The following STK11 variants were observed in gnomAD, a reference collection of about 807,000 sequenced individuals.
The protein encoded by STK11 is serine/threonine-protein kinase STK11.
A neutral mutation model predicts 47.3 loss-of-function variants in STK11; 8 were observed. The ratio of observed to expected loss-of-function variants is 0.17; its 90% confidence interval spans 0.10 to 0.31. STK11 has a LOEUF of 0.31. Ranked by LOEUF, STK11 falls within the 10% of genes least tolerant of loss-of-function variation. The pLI, the probability that STK11 is intolerant of heterozygous loss-of-function variation, is 1.00. For missense variants in STK11, 475 were observed against 605.0 expected (o/e 0.79, Z 2.25); for synonymous variants, 330 against 255.8 (o/e 1.29, Z -2.77).
chr19:1,224,168 G>A (rs1217081826), intron 8 of STK11: 13 of 986,008 alleles, frequency 1.3e-5, no homozygotes, highest in South Asian at 4.7e-5. Context: ...GGGGGCCCCC[G>A]AGAGCACAGT....
At chr19:1,222,824 G>C (rs1387085002) in intron 7 of STK11, among the ~76,000 whole-genome samples, 161 bp from the exon 8 acceptor site, 1 of 152,186 alleles carries the variant, frequency 6.6e-6, no homozygotes, top group Non-Finnish European at 1.5e-5. Context: ...CCTGCTCCTA[G>C]AGGACATGGC....
chr19:1,220,490 C>T lies in STK11; in HGVS notation c.582C>T (p.Asp194=), dbSNP rs786202134. 1 of 1,605,270 alleles carries T rather than the reference C, an allele frequency of 6.2e-7. No individual in the cohort carries two copies. Among genetic ancestry groups the T allele is most frequent in the Middle Eastern group, 1.7e-4 (1 of 6,044 alleles). Residue 194 remains aspartate (D), a synonymous_variant, in exon 4 of 10, where the codon GAC becomes GAT. Coordinates refer to ENST00000326873, the MANE Select transcript of STK11 (RefSeq NM_000455.5). ...LTTGGTLKIS[D]LGVAEALHPF... Reference sequence around the variant, plus strand: ...CCGGTGGCACCCTCAAAATCTCCGACCTGGGCGTGGCCGAGGTAGGCACGT... The same window carrying T: ...CCGGTGGCACCCTCAAAATCTCCGATCTGGGCGTGGCCGAGGTAGGCACGT...
At chr19:1,221,863 G>T in intron 6 of STK11, 86 bp from the exon 7 acceptor site, 1 of 1,499,736 alleles carries the variant, frequency 6.7e-7, no homozygotes, top group South Asian at 1.2e-5. Context: ...CCCAGGGCCT[G>T]ACAACAGAGG....
At chr19:1,222,092 C>G in intron 7 of STK11, 86 bp downstream of exon 7, 1 of 1,471,630 alleles carries the variant, frequency 6.8e-7, no homozygotes, top group Non-Finnish European at 9.2e-7. Flanking sequence ...TAGAGCAGGG[C>G]GTGGTGGGGG....
rs876660012 is a variant in STK11, at chr19:1,206,943, C to A, written c.30C>A (p.Gly10=). MEVVDPQQL[G]MFTEGELMSV... ...AGGTGGTGGACCCGCAGCAGCTGGG[C>A]ATGTTCACGGAGGGCGAGCTGATGT... The change falls in exon 1 of 10, where the codon GGC becomes GGA. Residue 10 remains glycine, a synonymous_variant. Coordinates refer to ENST00000326873, the MANE Select transcript of STK11 (RefSeq NM_000455.5). 3 of 1,601,376 alleles carry A rather than the reference C, an allele frequency of 1.9e-6. No homozygotes were observed. The African/African-American group carries it at 4.0e-5, about 21-fold the overall frequency.
chr19:1,223,951 G>A, intron 8 of STK11: 1 of 1,011,306 alleles, frequency 9.9e-7, no homozygotes, highest in South Asian at 4.7e-5. Context: ...AGCGGGAAGT[G>A]GTGGGCAGGG....
At position 1,218,406 on chromosome 19, in the gene STK11, C is replaced by T. The variant is rs1234044836; in HGVS notation, c.291-11C>T. The T allele has an allele frequency of 5.6e-6, 9 of 1,611,670 alleles. No individual in the cohort carries two copies. Among genetic ancestry groups the T allele is most frequent in the South Asian group, 3.3e-5 (3 of 91,040 alleles). On this transcript the variant is annotated splice_polypyrimidine_tract_variant and intron_variant, in intron 1 of 9. Transcript: ENST00000326873. ...GGGTCGGCTGATACACCCCTGTCCT[C>T]TCTGTCCCAGGGAAATTCAACTACT... is the stretch of plus-strand genomic sequence containing the variant.
chr19:1,221,890 G>T, intron 6 of STK11, 59 bp from the exon 7 acceptor site: 2 of 1,541,186 alleles, frequency 1.3e-6, no homozygotes, highest in Non-Finnish European at 1.8e-6. Context: ...AGGCGGGGAC[G>T]GTTGGTGGGG....
rs1333158922 is a variant in STK11 at position 1,226,646 on chromosome 19, G to A, written c.1301G>A (p.Ter434=). The part of the protein sequence containing the change: ...IRRLSACKQQ[*] ...CGGCTGTCGGCCTGCAAGCAGCAGT[G>A]AGGCTGGCCGCCTGCAGGTGGGGCG... Residue 434 remains the stop codon, a stop_retained_variant, in exon 9 of 10, where the codon TGA becomes TAA. Coordinates refer to ENST00000326873, the MANE Select transcript of STK11 (RefSeq NM_000455.5). The A allele has an allele frequency of 6.6e-7, 1 of 1,519,776 alleles. No homozygotes were observed. The highest frequency in any genetic ancestry group is 8.8e-7 in the Non-Finnish European group (1 of 1,135,272). The allele number at this position is 1,519,776 out of a possible 1,614,324, so 94.1% of individuals were successfully genotyped here.
chr19:1,223,550 TG>T (rs1225425735), intron 8 of STK11: 6 of 1,060,786 alleles, frequency 5.7e-6, no homozygotes, highest in Non-Finnish European at 7.0e-6. Flanking sequence ...CTCAGACAGC[TG>T]GCATGAGAGA....
At chr19:1,221,457 G>A (rs2080783957) in intron 6 of STK11, 117 bp downstream of exon 6, 1 of 1,428,686 alleles carries the variant, frequency 7.0e-7, no homozygotes, top group African/African-American at 1.4e-5. Flanking sequence ...CAGGCATTGA[G>A]AGGACTGAGT....
chr19:1,219,525 C>T, intron 3 of STK11, 112 bp downstream of exon 3: 10 of 1,209,124 alleles, frequency 8.3e-6, no homozygotes, highest in Non-Finnish European at 1.1e-5. Flanking sequence ...CATGAAGGCC[C>T]AAGTTTTTTT....
At chr19:1,224,236 T>G (rs1354693063) in intron 8 of STK11, 1 of 985,064 alleles carries the variant, frequency 1.0e-6, no homozygotes, top group Non-Finnish European at 1.2e-6. Flanking sequence ...ATGCAGCATG[T>G]GGGGGCCCCC....
In STK11 at chr19:1,223,587, G is replaced by A. The variant is rs1053043519; in HGVS notation, c.1108+415G>A. 9.2e-5 allele frequency: 100 copies of A among 1,082,668 alleles called. 1 individual carries two copies. In the East Asian group the frequency reaches 1.6e-3, roughly 17 times the overall value. The allele number at this position is 1,082,668 out of a possible 1,614,324, so 67.1% of individuals were successfully genotyped here. A position where few individuals can be genotyped will look rare whatever the true frequency, so the allele number is the denominator to read the frequency against. On this transcript the variant is annotated intron_variant, in intron 8 of 9. Coordinates refer to ENST00000326873, the MANE Select transcript of STK11 (RefSeq NM_000455.5). Reference sequence around the variant, plus strand: ...GGGTCCAGTGGCCCTCCCTCCCGTCGTCCCTGAGGCCTGCCCGCTGGCCCT... The same window carrying A: ...GGGTCCAGTGGCCCTCCCTCCCGTCATCCCTGAGGCCTGCCCGCTGGCCCT...
chr19:1,217,427 T>C (rs1219439182), intron 1 of STK11, among the ~76,000 whole-genome samples: 1 of 152,136 alleles, frequency 6.6e-6, no homozygotes, highest in Non-Finnish European at 1.5e-5. Context: ...CTCGAACTCC[T>C]GAGCTCAGGT....
intron 9 of STK11, chr19:1,227,102 T>C (rs1332538785): frequency 5.6e-6 from 1 of 179,002 alleles, no homozygotes; most frequent in Non-Finnish European, 1.2e-5. Flanking sequence ...TGCCGCAGGC[T>C]CTGAGCCAGC....
chr19:1,217,788 A>G (rs529551342), intron 1 of STK11, among the ~76,000 whole-genome samples: 1 of 152,248 alleles, frequency 6.6e-6, no homozygotes, highest in South Asian at 2.1e-4. Context: ...CAGGGCTCCA[A>G]CTCACCCTGG....
At chr19:1,214,929 A>T (rs1228221575) in intron 1 of STK11, among the ~76,000 whole-genome samples, 19 of 152,174 alleles carry the variant, frequency 1.2e-4, no homozygotes, top group Admixed American at 1.2e-3. Context: ...GCGTCCGAGC[A>T]TCTGGCCTCT....
chr19:1,219,209 C>T (rs753120071), intron 2 of STK11, 115 bp from the exon 3 acceptor site: 28 of 1,281,830 alleles, frequency 2.2e-5, no homozygotes, highest in South Asian at 1.5e-4. Flanking sequence ...GCCCTGGTCC[C>T]GAGGAGGGGC....
Sources: gnomAD v4.1 joint callset for allele counts (sites outside exome capture counted in the v4.1 genomes callset) on GRCh38, gnomAD v4.1.1 for gene constraint, MANE v1.5 for transcripts, NCBI Gene and HGNC (gene_info 2026-07-23, HGNC 2026-07-21) for gene names.